The following CYFIP1 variants were observed in gnomAD, a reference collection of about 807,000 sequenced individuals.
CYFIP1 encodes cytoplasmic FMR1 interacting protein 1, also known as cytoplasmic FMR1-interacting protein 1.
A neutral mutation model predicts 163.5 loss-of-function variants in CYFIP1; 58 were observed. The ratio of observed to expected loss-of-function variants is 0.35; its 90% confidence interval spans 0.29 to 0.44. The LOEUF (loss-of-function observed/expected upper bound fraction) is 0.44. CYFIP1 is among the 20% of genes least tolerant of loss of function. The pLI, the probability that CYFIP1 is intolerant of heterozygous loss-of-function variation, is 1.00. For missense variants in CYFIP1, 1,338 were observed against 1,653.8 expected (o/e 0.81, Z 3.31); for synonymous variants, 663 against 660.7 (o/e 1.00, Z -0.05).
At chr15:22,872,372 A>C (rs1009240708) in intron 30 of CYFIP1, among the ~76,000 whole-genome samples, 1 of 152,106 alleles carries the variant, frequency 6.6e-6, no homozygotes, top group Admixed American at 6.6e-5. Flanking sequence ...AAGGTCTAAC[A>C]TATGTTTAAC....
intron 15 of CYFIP1, chr15:22,916,845 G>T: frequency 6.4e-7 from 1 of 1,553,630 alleles, no homozygotes; most frequent in Non-Finnish European, 8.7e-7. Flanking sequence ...GTTCGCCTCC[G>T]TGCCATAAAC....
Position 22,917,572 on chromosome 15 carries a change from C to G in CYFIP1, c.1674+216G>C. On this transcript the variant is annotated intron_variant, in intron 15 of 30. Coordinates refer to ENST00000617928, the MANE Select transcript of CYFIP1 (RefSeq NM_014608.6). This position sits in a 1 kb window ranked among gnomAD's most constrained non-coding sequence, Gnocchi z 4.2. ...AATGGAGTCAGACTCCTTTTTAGTG[C>G]ACATGACACATCTGACAATCAAGGC... 1.6e-6 allele frequency: 1 copy of G among 617,534 alleles called. No homozygotes were observed. Among genetic ancestry groups the G allele is most frequent in the Non-Finnish European group, 2.7e-6 (1 of 374,168 alleles). 38.3% of individuals were successfully genotyped at this position (617,534 alleles called of 1,614,324 possible).
rs1261295502 is a variant in CYFIP1 at position 22,868,811 on chromosome 15, T to TACTC, written c.*1213_*1216dup. 6.6e-6 allele frequency: 1 copy of TACTC among 152,202 alleles called. No homozygotes were observed. Among genetic ancestry groups the TACTC allele is most frequent in the Admixed American group, 6.5e-5 (1 of 15,280 alleles). The allele number at this position is 152,202 out of a possible 1,614,324, so 9.4% of individuals were successfully genotyped here. A position where few individuals can be genotyped will look rare whatever the true frequency, so the allele number is the denominator to read the frequency against. On this transcript the variant is annotated 3_prime_UTR_variant, in exon 31 of 31. Transcript: ENST00000617928. The stretch of plus-strand genomic sequence containing the variant: ...ATTTTAAAATTGGTGAAGGTTGCAA[T>TACTC]ACTCCAAATAATGTAAAATGACTGC...
chr15:22,933,811 T>C lies in CYFIP1; in HGVS notation c.983A>G (p.Asn328Ser), dbSNP rs1183865549. The C allele has an allele frequency of 1.2e-6, 2 of 1,612,630 alleles. No individual in the cohort carries two copies. The highest frequency in any genetic ancestry group is 1.7e-6 in the Non-Finnish European group (2 of 1,179,462). Reference sequence around the variant, plus strand: ...TTTCCTCTCCTCCTACCGAGATTTATTTTCCTCGTAGTGGGCGCTGGTCTT... The same window carrying C: ...TTTCCTCTCCTCCTACCGAGATTTACTTTCCTCGTAGTGGGCGCTGGTCTT... ...YIKTSAHYEE[N>S]KSRWTCTSSG... The change falls in exon 10 of 31, where the codon AAT becomes AGT. Residue 328 changes from asparagine to serine, a missense_variant. Physicochemically the swap from Asn to Ser is conservative, Grantham distance 46. Transcript: ENST00000617928.
chr15:22,875,461 C>T, intron 26 of CYFIP1, 190 bp from the exon 27 acceptor site: 1 of 613,838 alleles, frequency 1.6e-6, no homozygotes, highest in Non-Finnish European at 2.9e-6. Flanking sequence ...CAGCCGCCAG[C>T]CATGCATGCC....
At chr15:22,957,225 G>A (rs145055579) in intron 1 of CYFIP1, among the ~76,000 whole-genome samples, 54 of 152,354 alleles carry the variant, frequency 3.5e-4, no homozygotes, top group Non-Finnish European at 5.0e-4. Flanking sequence ...ACTTGTGGCC[G>A]GGCACGGTGG....
chr15:22,944,782 G>A, intron 4 of CYFIP1, 80 bp downstream of exon 4: 2 of 1,537,024 alleles, frequency 1.3e-6, no homozygotes, highest in Non-Finnish European at 1.8e-6. Context: ...AGTGGGCCAG[G>A]CATGGCAGGG....
chr15:22,914,173 G>A (rs2060889698), intron 17 of CYFIP1, among the ~76,000 whole-genome samples: 1 of 152,074 alleles, frequency 6.6e-6, no homozygotes, highest in African/African-American at 2.4e-5. Flanking sequence ...AAAAGGCCAG[G>A]CCACAGGGCT....
chr15:22,945,750 A>ATT (rs529858683), intron 3 of CYFIP1, among the ~76,000 whole-genome samples: 13 of 142,688 alleles, frequency 9.1e-5, no homozygotes, highest in Non-Finnish European at 1.4e-4. Context: ...TAATTTTTGT[A>ATT]TTTTTTTTTT....
chr15:22,892,202 T>C lies in CYFIP1; in HGVS notation c.2676+688A>G, dbSNP rs545960931. On this transcript the variant is annotated intron_variant, in intron 23 of 30. Transcript: ENST00000617928. Reference sequence around the variant, plus strand: ...GGGGATCTGCTTGTATTTGCTCTGCTCTATTTTTGTGGGGTATCTGCTCAT... The same window carrying C: ...GGGGATCTGCTTGTATTTGCTCTGCCCTATTTTTGTGGGGTATCTGCTCAT... Among the ~76,000 whole-genome samples the C allele has an allele frequency of 2.4e-3, 371 of 152,328 alleles. 4 individuals are homozygous for C. The highest frequency in any genetic ancestry group is 3.4e-3 in the Middle Eastern group (1 of 294).
intron 18 of CYFIP1, among the ~76,000 whole-genome samples, chr15:22,911,187 ATAAAC>A (rs1388354503): frequency 6.6e-6 from 1 of 152,108 alleles, no homozygotes; most frequent in East Asian, 2.0e-4. Context: ...AAAAAGAAAA[ATAAAC>A]TAAAGAAACT....
chr15:22,910,614 T>TG lies in CYFIP1; in HGVS notation c.2173_2174insC (p.Lys725ThrfsTer20). The TG allele has an allele frequency of 6.2e-7, 1 of 1,614,122 alleles. No individual in the cohort carries two copies. Among genetic ancestry groups the TG allele is most frequent in the Non-Finnish European group, 8.5e-7 (1 of 1,179,970 alleles). ...ATTCTTGCATTCTGATCGTAACCGT[T>TG]TATCAAGAAGCAAACTAGTGTAGAA... On this transcript the variant is annotated frameshift_variant, in exon 20 of 31. Coordinates refer to ENST00000617928, the MANE Select transcript of CYFIP1 (RefSeq NM_014608.6). LOFTEE classifies it high-confidence loss of function.
At position 22,873,673 on chromosome 15, in the gene CYFIP1, G is replaced by A. The variant is rs1411254043; in HGVS notation, c.3267C>T (p.Gly1089=). ...DLLTKERLCC[G]LSMFEVILTR... ...TCAGGATGACCTCAAACATGGACAG[G>A]CCGCAGCAGAGGCGCTCCTTTGTCA... is the stretch of plus-strand genomic sequence containing the variant. Residue 1089 remains glycine, a synonymous_variant, in exon 29 of 31, where the codon GGC becomes GGT. Transcript: ENST00000617928. The A allele has an allele frequency of 1.2e-6, 2 of 1,614,240 alleles. No homozygotes were observed. Among genetic ancestry groups the A allele is most frequent in the Admixed American group, 3.3e-5 (2 of 60,028 alleles).
chr15:22,922,924 A>G (rs1462126873), intron 13 of CYFIP1, among the ~76,000 whole-genome samples: 1 of 151,952 alleles, frequency 6.6e-6, no homozygotes, highest in African/African-American at 2.4e-5. Context: ...CCTGGGAGGC[A>G]GAAGTTGCAG....
rs1472855304 is a variant in CYFIP1, at chr15:22,926,027, G to C, written c.1314C>G (p.Ala438=). The C allele has an allele frequency of 2.5e-6, 4 of 1,614,062 alleles. No homozygotes were observed. The highest frequency in any genetic ancestry group is 3.4e-6 in the Non-Finnish European group (4 of 1,179,970). The change falls in exon 13 of 31, where the codon GCC becomes GCG. Residue 438 remains alanine (A), a synonymous_variant. Coordinates refer to ENST00000617928, the MANE Select transcript of CYFIP1 (RefSeq NM_014608.6). ...CCTCGCTGGTGTAGTTGTAGCGCGT[G>C]GCACGCTCGTACTCTTCAGCGCTGT... ...CPDSAEEYER[A]TRYNYTSEEK...
chr15:22,899,724 A>G (rs968466597), intron 22 of CYFIP1, among the ~76,000 whole-genome samples: 3 of 152,138 alleles, frequency 2.0e-5, no homozygotes, highest in African/African-American at 7.2e-5. Flanking sequence ...ACACATGCAC[A>G]TGTGGGCTAT....
intron 1 of CYFIP1, among the ~76,000 whole-genome samples, chr15:22,965,531 C>T (rs2062874459): frequency 6.6e-6 from 1 of 152,180 alleles, no homozygotes; most frequent in Non-Finnish European, 1.5e-5. Context: ...CAGGCTCTAG[C>T]GTGGAGCCTA....
intron 1 of CYFIP1, among the ~76,000 whole-genome samples, chr15:22,954,283 TGAGA>T (rs776820945): frequency 1.3e-4 from 20 of 152,008 alleles, no homozygotes; most frequent in Non-Finnish European, 1.9e-4. Context: ...GCTCCAGAAC[TGAGA>T]GAAAGAAATT....
rs757551079 is a variant in CYFIP1, at chr15:22,903,718, C to T, written c.2576G>A (p.Gly859Asp). The T allele has an allele frequency of 6.2e-7, 1 of 1,613,532 alleles. No individual in the cohort carries two copies. The highest frequency in any genetic ancestry group is 1.7e-5 in the Admixed American group (1 of 60,028). Residue 859 changes from glycine to aspartate, a missense_variant, in exon 22 of 31, where the codon GGC becomes GAC. Coordinates refer to ENST00000617928, the MANE Select transcript of CYFIP1 (RefSeq NM_014608.6). ...CGGGCACGCTCACCGGTTGGTAGAG[C>T]CGTTGTAGCAGTAGTTGGGCAGGAA... is the stretch of plus-strand genomic sequence containing the variant. ...YDFLPNYCYN[G>D]STNRFVRTVL... is the part of the protein sequence containing the mutation.
Sources: gnomAD v4.1 joint callset for allele counts (sites outside exome capture counted in the v4.1 genomes callset) on GRCh38, gnomAD v4.1.1 for gene constraint, Gnocchi (gnomAD v3.1) non-coding constraint, MANE v1.5 for transcripts, NCBI Gene and HGNC (gene_info 2026-07-23, HGNC 2026-07-21) for gene names.